RGS7: variants seen among roughly 807,000 people sequenced by gnomAD.
RGS7 encodes regulator of G-protein signaling 7.
RGS7 carries 27 observed loss-of-function variants against 81.1 expected under a neutral mutation model. The ratio of observed to expected loss-of-function variants is 0.33; its 90% CI spans 0.25 to 0.46. The LOEUF (loss-of-function observed/expected upper bound fraction) is 0.46. RGS7 is among the 20% of genes least tolerant of loss of function. The probability of loss-of-function intolerance (pLI) is 1.00; values close to 1 mark genes in which losing one functional copy is unlikely to be tolerated. For missense variants in RGS7, 396 were observed against 607.4 expected, an observed-to-expected ratio of 0.65 and a Z score of 3.66; for synonymous variants, 208 against 207.7, an observed-to-expected ratio of 1.00 and a Z score of -0.01.
chr1:240,842,091 G>T (rs1212328902), intron 9 of RGS7, among the ~76,000 whole-genome samples: 1 of 151,192 alleles, frequency 6.6e-6, no homozygotes, highest in African/African-American at 2.4e-5. Context: ...GCACATATTA[G>T]TTTCCCTTAG....
intron 3 of RGS7, among the ~76,000 whole-genome samples, chr1:241,079,794 A>G (rs2063032352): frequency 6.6e-6 from 1 of 151,998 alleles, no homozygotes; most frequent in South Asian, 2.1e-4. Flanking sequence ...CATTAATTCA[A>G]AGAGAGCAAG....
intron 3 of RGS7, among the ~76,000 whole-genome samples, chr1:241,046,875 T>C (rs1017078992): frequency 3.3e-5 from 5 of 152,102 alleles, no homozygotes; most frequent in Admixed American, 2.0e-4. Flanking sequence ...CACCAGCCAG[T>C]AGTGCAATTT....
intron 18 of RGS7, among the ~76,000 whole-genome samples, chr1:240,800,316 T>G (rs1442118535): frequency 6.6e-6 from 1 of 152,168 alleles, no homozygotes; most frequent in African/African-American, 2.4e-5. Flanking sequence ...TCATTCTCCA[T>G]CCCTTTAATT....
intron 3 of RGS7, among the ~76,000 whole-genome samples, chr1:241,079,896 A>G (rs773584246): frequency 2.6e-5 from 4 of 152,134 alleles, no homozygotes; most frequent in Non-Finnish European, 5.9e-5. Context: ...AAAATAACTC[A>G]CCAATGAACA....
At chr1:241,293,745 C>T (rs545192307) in intron 2 of RGS7, among the ~76,000 whole-genome samples, 70 of 152,244 alleles carry the variant, frequency 4.6e-4, no homozygotes, top group Non-Finnish European at 7.5e-4. Flanking sequence ...AATGAGACAC[C>T]GTCTCACACC....
intron 2 of RGS7, among the ~76,000 whole-genome samples, chr1:241,319,411 G>T (rs1356702373): frequency 1.3e-5 from 2 of 152,130 alleles, no homozygotes; most frequent in Non-Finnish European, 2.9e-5. Flanking sequence ...CTAAGAAAAT[G>T]CAACAAAATA....
chr1:240,817,483 A>G (rs1423948364), intron 10 of RGS7, among the ~76,000 whole-genome samples: 1 of 152,132 alleles, frequency 6.6e-6, no homozygotes, highest in Non-Finnish European at 1.5e-5. Context: ...TTATTCCTGA[A>G]CTGCTTTCAC....
At chr1:240,888,433 T>A (rs1454787249) in intron 6 of RGS7, among the ~76,000 whole-genome samples, 1 of 152,150 alleles carries the variant, frequency 6.6e-6, no homozygotes, top group African/African-American at 2.4e-5. Flanking sequence ...GAGACAGGTG[T>A]GTGTGGATAC....
In RGS7 at chr1:241,305,762, C is replaced by T. The variant is rs903456965; in HGVS notation, c.78+49937G>A. ...CTATGGGACAAAGCCACACACCTCT[C>T]GGGGCATGTCTTGCGCGATTTTGGT... is the stretch of plus-strand genomic sequence containing the variant. On this transcript the variant is annotated intron_variant, in intron 2 of 18. Transcript: ENST00000440928. The T allele has an allele frequency of 8.3e-5, 20 of 239,804 alleles. 1 individual carries two copies. The highest frequency in any genetic ancestry group is 1.6e-4 in the African/African-American group (7 of 42,782). 14.9% of individuals were successfully genotyped at this position (239,804 alleles called of 1,614,324 possible). A position where few individuals can be genotyped will look rare whatever the true frequency, so the allele number is the denominator to read the frequency against.
At chr1:241,329,322 G>A (rs2081819761) in intron 2 of RGS7, among the ~76,000 whole-genome samples, 1 of 152,172 alleles carries the variant, frequency 6.6e-6, no homozygotes, top group African/African-American at 2.4e-5. Flanking sequence ...TTAGAAAAGT[G>A]AGAAAAGTCT....
intron 3 of RGS7, among the ~76,000 whole-genome samples, chr1:241,015,090 A>G (rs771516712): frequency 6.6e-6 from 1 of 152,192 alleles, no homozygotes; most frequent in Non-Finnish European, 1.5e-5. Flanking sequence ...CCCATTTCAT[A>G]TTCACAATTA....
intron 6 of RGS7, among the ~76,000 whole-genome samples, chr1:240,888,499 C>A (rs1410034453): frequency 1.3e-5 from 2 of 152,058 alleles, no homozygotes; most frequent in African/African-American, 4.8e-5. Context: ...CCTGGAGACC[C>A]GGCGATGAAC....
intron 2 of RGS7, among the ~76,000 whole-genome samples, chr1:241,342,165 C>T (rs547352372): frequency 2.1e-4 from 32 of 152,224 alleles, no homozygotes; most frequent in African/African-American, 7.2e-4. Flanking sequence ...TGAACCACCA[C>T]ACCTGGTCTC....
At chr1:240,823,243 C>A in intron 10 of RGS7, 2 of 702,874 alleles carry the variant, frequency 2.8e-6, no homozygotes, top group Admixed American at 1.9e-5. Context: ...CCATCCTATG[C>A]TCACCACCAC....
At chr1:241,243,207 TG>T (rs1201116485) in intron 2 of RGS7, among the ~76,000 whole-genome samples, 1 of 152,236 alleles carries the variant, frequency 6.6e-6, no homozygotes, top group African/African-American at 2.4e-5. Flanking sequence ...TCACATTGCA[TG>T]TCAGATATTT....
chr1:240,960,546 CT>C (rs5782170), intron 4 of RGS7, among the ~76,000 whole-genome samples: 45,181 of 113,660 alleles, frequency 0.4, 7,919 homozygotes, highest in Middle Eastern at 0.47. Flanking sequence ...CTGGGCTGTT[CT>C]TTTTTTTTTT....
intron 6 of RGS7, among the ~76,000 whole-genome samples, chr1:240,925,061 C>T (rs261867): frequency 0.55 from 83,672 of 151,850 alleles, 23,261 homozygotes; most frequent in Middle Eastern, 0.65. Flanking sequence ...GAGATTCAAC[C>T]CTTGAAAGGA....
chr1:241,089,424 T>C (rs944681690), intron 3 of RGS7, among the ~76,000 whole-genome samples: 1 of 151,904 alleles, frequency 6.6e-6, no homozygotes, highest in Non-Finnish European at 1.5e-5. Context: ...TCTCCACCTT[T>C]CCCTTTTCTG....
At chr1:241,058,151 G>A (rs1311582509) in intron 3 of RGS7, among the ~76,000 whole-genome samples, 1 of 152,126 alleles carries the variant, frequency 6.6e-6, no homozygotes, top group African/African-American at 2.4e-5. Context: ...TCAGGATTTG[G>A]GCAAATGGGC....
Sources: allele counts gnomAD v4.1 joint callset (sites outside exome capture counted in the v4.1 genomes callset), GRCh38; gene constraint gnomAD v4.1.1; transcripts MANE v1.5; gene names NCBI Gene and HGNC (gene_info 2026-07-23, HGNC 2026-07-21).